CADM1: variants seen among roughly 807,000 people sequenced by gnomAD.
The protein encoded by CADM1 is TSLC-1.
Under a neutral mutation model 53.1 loss-of-function variants are expected in CADM1, and 15 were observed. That is an observed-to-expected ratio of 0.28 (90% CI 0.19 to 0.44). The LOEUF is 0.44. CADM1 is among the 20% of genes least tolerant of loss of function. The pLI is 1.00. For synonymous variants in CADM1, 281 were observed against 243.0 expected (o/e 1.16, Z -1.45); for missense variants, 434 against 611.3 (o/e 0.71, Z 3.06).
intron 1 of CADM1, among the ~76,000 whole-genome samples, chr11:115,486,183 C>G (rs1401977375): frequency 6.6e-6 from 1 of 152,180 alleles, no homozygotes; most frequent in East Asian, 1.9e-4. Context: ...CCTAACCAAT[C>G]TCTCCATTTC....
At chr11:115,265,784 C>G (rs1227631663) in intron 1 of CADM1, among the ~76,000 whole-genome samples, 1 of 152,180 alleles carries the variant, frequency 6.6e-6, no homozygotes, top group Admixed American at 6.5e-5. Flanking sequence ...TTCATTTAAT[C>G]TTTTGGTGTA....
intron 1 of CADM1, among the ~76,000 whole-genome samples, chr11:115,304,019 G>T (rs1040288958): frequency 3.3e-5 from 5 of 152,054 alleles, no homozygotes; most frequent in African/African-American, 1.2e-4. Flanking sequence ...AAGAATTCAA[G>T]AGATGAAAAC....
chr11:115,229,362 C>A (rs1320778793), intron 4 of CADM1, 91 bp from the exon 5 acceptor site: 3 of 1,176,812 alleles, frequency 2.5e-6, no homozygotes, highest in African/African-American at 1.5e-5. Context: ...CTAACCCCAA[C>A]ATTGCTATTT....
intron 1 of CADM1, among the ~76,000 whole-genome samples, chr11:115,333,907 C>CA (rs1945195789): frequency 1.3e-5 from 2 of 152,082 alleles, no homozygotes; most frequent in African/African-American, 4.8e-5. Flanking sequence ...TGAATTGAGT[C>CA]AAAAAACTGA....
chr11:115,309,195 C>CTCCA (rs1306900106), intron 1 of CADM1, among the ~76,000 whole-genome samples: 1 of 152,072 alleles, frequency 6.6e-6, no homozygotes, highest in East Asian at 1.9e-4. Flanking sequence ...TTTATTCTTT[C>CTCCA]TCCAAACCAG....
At chr11:115,233,728 T>A (rs1451697744) in intron 3 of CADM1, among the ~76,000 whole-genome samples, 4 of 151,322 alleles carry the variant, frequency 2.6e-5, no homozygotes, top group African/African-American at 9.7e-5. Flanking sequence ...AAAAAAAAAA[T>A]ACCTTTCAAG....
At chr11:115,346,864 G>T (rs1266242925) in intron 1 of CADM1, among the ~76,000 whole-genome samples, 2 of 152,008 alleles carry the variant, frequency 1.3e-5, no homozygotes, top group African/African-American at 4.8e-5. Context: ...TTAGCAAACT[G>T]CCTGAATGAC....
At chr11:115,426,372 C>T (rs1005276208) in intron 1 of CADM1, among the ~76,000 whole-genome samples, 3 of 152,158 alleles carry the variant, frequency 2.0e-5, no homozygotes, top group African/African-American at 4.8e-5. Flanking sequence ...TGATTTCAGT[C>T]GCTTCCATGT....
chr11:115,297,173 C>T (rs1944100930), intron 1 of CADM1, among the ~76,000 whole-genome samples: 1 of 152,118 alleles, frequency 6.6e-6, no homozygotes, highest in African/African-American at 2.4e-5. Context: ...TAAAATGGTT[C>T]AGTTCAAGTT....
intron 1 of CADM1, chr11:115,256,797 T>A: frequency 4.4e-6 from 2 of 456,034 alleles, no homozygotes; most frequent in South Asian, 3.1e-5. Flanking sequence ...CTCTAAAAAG[T>A]TTGTTCTTAT....
chr11:115,437,159 A>AC (rs1370632768), intron 1 of CADM1, among the ~76,000 whole-genome samples: 3 of 152,354 alleles, frequency 2.0e-5, no homozygotes, highest in African/African-American at 7.2e-5. Flanking sequence ...CTTCTCACTT[A>AC]GAGATATTTC....
At chr11:115,338,505 T>G (rs1945326622) in intron 1 of CADM1, among the ~76,000 whole-genome samples, 1 of 152,168 alleles carries the variant, frequency 6.6e-6, no homozygotes, top group African/African-American at 2.4e-5. Context: ...CTATTTTACC[T>G]TGAATTTACT....
intron 1 of CADM1, among the ~76,000 whole-genome samples, chr11:115,366,243 G>C (rs927141858): frequency 1.2e-4 from 18 of 152,178 alleles, no homozygotes; most frequent in African/African-American, 2.4e-5. Flanking sequence ...TGAACAAAAA[G>C]ACTTGCTAAG....
At chr11:115,475,937 A>T (rs1463979058) in intron 1 of CADM1, among the ~76,000 whole-genome samples, 4 of 152,256 alleles carry the variant, frequency 2.6e-5, no homozygotes, top group Non-Finnish European at 1.5e-5. Context: ...ATTTCAGTTT[A>T]TGTAAATTTA....
At chr11:115,260,917 G>T (rs945937266) in intron 1 of CADM1, among the ~76,000 whole-genome samples, 1 of 151,658 alleles carries the variant, frequency 6.6e-6, no homozygotes, top group Non-Finnish European at 1.5e-5. Flanking sequence ...CTCATGATCC[G>T]CCCGCCTCAG....
intron 1 of CADM1, among the ~76,000 whole-genome samples, chr11:115,409,483 CTTCA>C (rs1436451518): frequency 6.6e-6 from 1 of 151,762 alleles, no homozygotes; most frequent in Non-Finnish European, 1.5e-5. Flanking sequence ...GAGAAACAAT[CTTCA>C]TTCATTCACT....
rs977325961 is a variant in CADM1 at position 115,350,330 on chromosome 11, C to T, written c.125-109910G>A. On this transcript the variant is annotated intron_variant, in intron 1 of 11. Coordinates refer to ENST00000331581, the MANE Select transcript of CADM1 (RefSeq NM_001301043.2). Reference sequence around the variant, plus strand: ...CTAGCCATGCCATGGCAAATGCATGCTATTGGTCAAAAGGGTGATTCAGGA... The same window carrying T: ...CTAGCCATGCCATGGCAAATGCATGTTATTGGTCAAAAGGGTGATTCAGGA... 7.9e-5 allele frequency among the ~76,000 whole-genome samples: 12 copies of T among 152,128 alleles called. No individual in the cohort carries two copies. In the East Asian group the frequency reaches 1.2e-3, roughly 15 times the overall value.
intron 1 of CADM1, among the ~76,000 whole-genome samples, chr11:115,287,188 C>A (rs1214810242): frequency 6.6e-6 from 1 of 152,206 alleles, no homozygotes; most frequent in Non-Finnish European, 1.5e-5. Context: ...GTATATCTTG[C>A]ACTGAAGTTT....
chr11:115,358,652 T>C (rs765202760), intron 1 of CADM1, among the ~76,000 whole-genome samples: 13 of 152,174 alleles, frequency 8.5e-5, no homozygotes, highest in Non-Finnish European at 1.3e-4. Flanking sequence ...ATCCGGCTTA[T>C]TTCACACAGC....
Sources: gnomAD v4.1 joint callset for allele counts (sites outside exome capture counted in the v4.1 genomes callset) on GRCh38, gnomAD v4.1.1 for gene constraint, MANE v1.5 for transcripts, NCBI Gene and HGNC (gene_info 2026-07-23, HGNC 2026-07-21) for gene names.